The following CCDC9 variants were observed in gnomAD, a reference collection of about 807,000 sequenced individuals.
CCDC9 encodes coiled-coil domain-containing protein 9.
Under a neutral mutation model 65.6 loss-of-function variants are expected in CCDC9, and 52 were observed. That is an observed-to-expected ratio of 0.79 (90% CI 0.63 to 1.00). The LOEUF is 1.00. CCDC9 is among the 50% of genes least tolerant of loss of function. CCDC9 has a pLI of 0.00. For missense variants in CCDC9, 834 were observed against 757.2 expected, an observed-to-expected ratio of 1.10 and a Z score of -1.19; for synonymous variants, 332 against 280.3, an observed-to-expected ratio of 1.18 and a Z score of -1.84.
At chr19:47,270,267 C>A in intron 8 of CCDC9, 140 bp from the exon 9 acceptor site, 2 of 784,460 alleles carry the variant, frequency 2.5e-6, no homozygotes, top group Non-Finnish European at 4.3e-6. Flanking sequence ...CCATGCCCGG[C>A]CCTGTCCTAC....
At chr19:47,262,203 G>T (rs1168568644) in intron 5 of CCDC9, among the ~76,000 whole-genome samples, 1 of 144,732 alleles carries the variant, frequency 6.9e-6, no homozygotes, top group Non-Finnish European at 1.5e-5. Context: ...AGGGACCCAG[G>T]TTCCTGCTTT....
At chr19:47,274,699 G>T, downstream of CCDC9, 1 of 227,668 alleles carries the variant, frequency 4.4e-6, no homozygotes, top group Non-Finnish European at 7.8e-6. Flanking sequence ...TGGAGCGAGG[G>T]GGGCGGGGTA....
At chr19:47,257,296 G>C in intron 1 of CCDC9, among the ~76,000 whole-genome samples, 1 of 152,088 alleles carries the variant, frequency 6.6e-6, no homozygotes, top group Non-Finnish European at 1.5e-5. Context: ...GGCAGGCCGG[G>C]GGCGGGGCTG....
At position 47,271,703 on chromosome 19, in the gene CCDC9, G is replaced by C. The variant is rs758053527; in HGVS notation, c.*25G>C. On this transcript the variant is annotated 3_prime_UTR_variant, in exon 12 of 12. Coordinates refer to ENST00000221922, the MANE Select transcript of CCDC9 (RefSeq NM_015603.3). Reference sequence around the variant, plus strand: ...AAGCTGGCTGCCTGTGTGTGTGTGTGTGTGTGTGTGTGTGTGTGTGTGTGT... The same window carrying C: ...AAGCTGGCTGCCTGTGTGTGTGTGTCTGTGTGTGTGTGTGTGTGTGTGTGT... 6.6e-5 allele frequency: 86 copies of C among 1,306,078 alleles called. No individual in the cohort carries two copies. The highest frequency in any genetic ancestry group is 8.1e-5 in the Non-Finnish European group (81 of 997,630). 80.9% of individuals were successfully genotyped at this position (1,306,078 alleles called of 1,614,324 possible).
intron 8 of CCDC9, among the ~76,000 whole-genome samples, chr19:47,268,472 G>A (rs572926374): frequency 1.3e-5 from 2 of 152,280 alleles, no homozygotes; most frequent in South Asian, 2.1e-4. Context: ...AAGCCTGTGC[G>A]AGTGTGAGAA....
downstream of CCDC9, chr19:47,275,348 ACTCT>A (rs775831471): frequency 2.7e-5 from 42 of 1,538,438 alleles, no homozygotes; most frequent in South Asian, 4.5e-4. Flanking sequence ...GACCCGGGTA[ACTCT>A]CCCTTCCACC....
Position 47,260,598 on chromosome 19 carries a change from TG to T in CCDC9, c.224del (p.Gly75ValfsTer93). On this transcript the variant is annotated frameshift_variant, in exon 5 of 12. Transcript: ENST00000221922. LOFTEE classifies it high-confidence loss of function. ...ENVAVESEKNLGPSRRSPGTP... is the reference protein window; with the variant it reads ...ENVAVESEKNXGPSRRSPGTP... ...TCTCCCCTCTTCCAGGAGAAGAACC[TG>T]GGTCCTTCCCGGAGGTCTCCTGGGA... The T allele has an allele frequency of 6.5e-7, 1 of 1,529,354 alleles. No homozygotes were observed. Among genetic ancestry groups the T allele is most frequent in the Non-Finnish European group, 8.7e-7 (1 of 1,146,846 alleles). The allele number at this position is 1,529,354 out of a possible 1,614,324, so 94.7% of individuals were successfully genotyped here.
At chr19:47,275,239 TC>T (rs1415995269), downstream of CCDC9, 1 of 1,535,590 alleles carries the variant, frequency 6.5e-7, no homozygotes, top group African/African-American at 1.4e-5. Context: ...CGACCCCAGC[TC>T]CAGCTGCCGC....
At chr19:47,274,970 G>A (rs564593706), downstream of CCDC9, 11 of 1,442,354 alleles carry the variant, frequency 7.6e-6, no homozygotes, top group Admixed American at 2.1e-4. Context: ...CCGGAGGCGC[G>A]GGGCTGAGCG....
At chr19:47,274,779 G>C, downstream of CCDC9, 1 of 420,770 alleles carries the variant, frequency 2.4e-6, no homozygotes, top group Non-Finnish European at 3.1e-6. Flanking sequence ...GCGGCAGCTC[G>C]CGTGGGGGCG....
intron 1 of CCDC9, among the ~76,000 whole-genome samples, chr19:47,257,173 G>C (rs2059015765): frequency 6.6e-6 from 1 of 152,020 alleles, no homozygotes; most frequent in Non-Finnish European, 1.5e-5. Flanking sequence ...CCAGAACCCT[G>C]GGGAAGCCAT....
intron 1 of CCDC9, among the ~76,000 whole-genome samples, chr19:47,257,253 G>A (rs897328231): frequency 6.6e-6 from 1 of 151,910 alleles, no homozygotes; most frequent in African/African-American, 2.4e-5. Flanking sequence ...AGGTTGGCCA[G>A]GCCAATCGGA....
intron 4 of CCDC9, 26 bp from the exon 5 acceptor site, chr19:47,260,562 T>A: frequency 6.5e-7 from 1 of 1,542,500 alleles, no homozygotes; most frequent in South Asian, 1.2e-5. Context: ...CCAGTGACTG[T>A]ATTTTCCCCA....
intron 10 of CCDC9, 31 bp downstream of exon 10, chr19:47,270,719 C>T (rs769851329): frequency 5.0e-6 from 8 of 1,586,580 alleles, no homozygotes; most frequent in East Asian, 4.5e-5. Flanking sequence ...GCTTGCATAC[C>T]CCCAGGGCTC....
intron 8 of CCDC9, among the ~76,000 whole-genome samples, chr19:47,268,097 T>A (rs916359684): frequency 6.6e-6 from 1 of 152,114 alleles, no homozygotes; most frequent in Non-Finnish European, 1.5e-5. Flanking sequence ...TTCACCCACC[T>A]CAGCCTCCCA....
chr19:47,267,595 A>G lies in CCDC9; in HGVS notation c.902+803A>G, dbSNP rs189147201. Among the ~76,000 whole-genome samples, 740 of 151,652 alleles carry G rather than the reference A, an allele frequency of 4.9e-3. 6 individuals carry two copies. Among genetic ancestry groups the G allele is most frequent in the Non-Finnish European group, 8.5e-3 (575 of 67,530 alleles). Reference sequence around the variant, plus strand: ...CTGCCTGGGGAGCGCTTGCCCTGACATGGGCAGATGCACAAGCAGGCACAC... The same window carrying G: ...CTGCCTGGGGAGCGCTTGCCCTGACGTGGGCAGATGCACAAGCAGGCACAC... On this transcript the variant is annotated intron_variant, in intron 8 of 11. Coordinates refer to ENST00000221922, the MANE Select transcript of CCDC9 (RefSeq NM_015603.3).
intron 3 of CCDC9, 42 bp from the exon 4 acceptor site, chr19:47,260,279 C>A: frequency 7.0e-7 from 1 of 1,421,426 alleles, no homozygotes; most frequent in Non-Finnish European, 9.7e-7. Context: ...GTCTGGCAGA[C>A]AGGGCACCTG....
At position 47,264,649 on chromosome 19, in the gene CCDC9, A is replaced by G; in HGVS notation, c.509A>G (p.Glu170Gly). 1 of 1,604,932 alleles carries G rather than the reference A, an allele frequency of 6.2e-7. No individual in the cohort carries two copies. The highest frequency in any genetic ancestry group is 2.2e-5 in the East Asian group (1 of 44,464). ...RRQNIEKMNE[E>G]MEKIAEYERN... is the part of the protein sequence containing the mutation. ...CAGAACATTGAGAAGATGAATGAGGAGATGGAGAAGATCGCCGAGTATGAG... is the reference window on the plus strand; with the variant it reads ...CAGAACATTGAGAAGATGAATGAGGGGATGGAGAAGATCGCCGAGTATGAG... Residue 170 changes from glutamate (E) to glycine (G), a missense_variant, in exon 6 of 12, where the codon GAG (glutamate) becomes GGG (glycine). Coordinates refer to ENST00000221922, the MANE Select transcript of CCDC9 (RefSeq NM_015603.3).
chr19:47,267,747 C>G (rs1471508037), intron 8 of CCDC9, among the ~76,000 whole-genome samples: 2 of 152,210 alleles, frequency 1.3e-5, no homozygotes, highest in African/African-American at 4.8e-5. Context: ...GGCATGAAGG[C>G]TGTTTAACAG....
Sources: gnomAD v4.1 joint callset for allele counts (sites outside exome capture counted in the v4.1 genomes callset) on GRCh38, gnomAD v4.1.1 for gene constraint, MANE v1.5 for transcripts, NCBI Gene and HGNC (gene_info 2026-07-23, HGNC 2026-07-21) for gene names.